Variants in LTBP3 observed in about 807,000 individuals in gnomAD.
The protein encoded by LTBP3 is latent-transforming growth factor beta-binding protein 3.
Under a neutral mutation model 159.7 loss-of-function variants are expected in LTBP3, and 97 were observed. That is an observed-to-expected ratio of 0.61 (90% CI 0.52 to 0.72). LTBP3 has a LOEUF of 0.72. Among genes scored for constraint, LTBP3 ranks in the 30% least tolerant of loss-of-function variants. LTBP3 has a pLI of 0.00. For synonymous variants in LTBP3, 824 were observed against 777.1 expected, an observed-to-expected ratio of 1.06 and a Z score of -1.00; for missense variants, 1,584 against 1,864.3, an observed-to-expected ratio of 0.85 and a Z score of 2.77.
chr11:65,551,045 T>C, intron 11 of LTBP3, 81 bp downstream of exon 11: 1 of 1,156,152 alleles, frequency 8.6e-7, no homozygotes, highest in Non-Finnish European at 1.3e-6. Flanking sequence ...CGCTAGGGAA[T>C]GCCTGGGGGC....
chr11:65,540,737 G>GAGGGGCGGGGCCTACAGT, intron 21 of LTBP3, 123 bp from the exon 22 acceptor site: 6 of 1,514,434 alleles, frequency 4.0e-6, no homozygotes, highest in Middle Eastern at 1.8e-4. Context: ...GGGCCTACAG[G>GAGGGGCGGGGCCTACAGT]GCGGGGCCTG....
Position 65,546,715 on chromosome 11 carries a change from C to T in LTBP3, c.2230+83G>A. ...CGCCCCCAGACGCCAATCACCACCG[C>T]TACCCCGCCCCGCCCCCAGCGGAGC... is the stretch of plus-strand genomic sequence containing the variant. On this transcript the variant is annotated intron_variant, in intron 15 of 27. Transcript: ENST00000301873. The surrounding 1 kb of genome is among the most constrained non-coding windows in gnomAD (Gnocchi z 4.0). The T allele has an allele frequency of 6.5e-7, 1 of 1,532,532 alleles. No individual in the cohort carries two copies. Among genetic ancestry groups the T allele is most frequent in the Non-Finnish European group, 8.8e-7 (1 of 1,141,084 alleles). 94.9% of individuals were successfully genotyped at this position (1,532,532 alleles called of 1,614,324 possible).
Position 65,546,873 on chromosome 11 carries a change from C to A in LTBP3, c.2155G>T (p.Glu719Ter). The A allele has an allele frequency of 1.2e-6, 2 of 1,612,580 alleles. No individual in the cohort carries two copies. The highest frequency in any genetic ancestry group is 1.7e-6 in the Non-Finnish European group (2 of 1,179,976). Residue 719 changes from glutamate to a stop codon, truncating the protein, a stop_gained, in exon 15 of 28, where the codon GAG becomes TAG. Transcript: ENST00000301873. LOFTEE classifies it high-confidence loss of function. This position sits in a 1 kb window ranked among gnomAD's most constrained non-coding sequence, Gnocchi z 4.0. ...CACTTGAAGCTCCCGGGCTTGTTCT[C>A]GCATTTGCCATCCGGGCAAGAGCTT... ...DPSSCPDGKCENKPGSFKCIA... is the reference protein window; with the variant it reads ...DPSSCPDGKC
chr11:65,541,350 C>T (rs1248049389), intron 19 of LTBP3, 57 bp from the exon 20 acceptor site: 5 of 1,584,502 alleles, frequency 3.2e-6, no homozygotes, highest in Non-Finnish European at 4.3e-6. Flanking sequence ...CCCTGTCCAC[C>T]CTGCCCACCC....
In LTBP3 at chr11:65,546,808, C is replaced by T. The variant is rs777035245; in HGVS notation, c.2220G>A (p.Gly740=). 2 of 1,605,130 alleles carry T rather than the reference C, an allele frequency of 1.2e-6. No individual in the cohort carries two copies. Among genetic ancestry groups the T allele is most frequent in the African/African-American group, 1.3e-5 (1 of 75,034 alleles). ...GGGCCCCGCCCTCACCGCGACAGGC[C>T]CCGCCCCCCTGGCTGCGGTAGCCAG... is the stretch of plus-strand genomic sequence containing the variant. ...CQPGYRSQGG[G]ACRDVNECAE... is the part of the protein sequence containing the mutation. Residue 740 remains glycine (G), a synonymous_variant, in exon 15 of 28, where the codon GGG becomes GGA. Coordinates refer to ENST00000301873, the MANE Select transcript of LTBP3 (RefSeq NM_001130144.3). The surrounding 1 kb of genome is among the most constrained non-coding windows in gnomAD (Gnocchi z 4.0).
Position 65,553,946 on chromosome 11 carries a change from C to CGCGGGTCACCGCGCT in LTBP3, c.662-58_662-44dup. 6.6e-7 allele frequency: 1 copy of CGCGGGTCACCGCGCT among 1,521,814 alleles called. No individual in the cohort carries two copies. The highest frequency in any genetic ancestry group is 1.4e-5 in the African/African-American group (1 of 73,328). 94.3% of individuals were successfully genotyped at this position (1,521,814 alleles called of 1,614,324 possible). A position where few individuals can be genotyped will look rare whatever the true frequency, so the allele number is the denominator to read the frequency against. Reference sequence around the variant, plus strand: ...GGCCTCAGGGCTGCCCGCACCGCGCCGCGGGTCACCGCGCTGAGCTCCTCC... The same window carrying CGCGGGTCACCGCGCT: ...GGCCTCAGGGCTGCCCGCACCGCGCCGCGGGTCACCGCGCTGCGGGTCACCGCGCTGAGCTCCTCC... On this transcript the variant is annotated intron_variant, in intron 2 of 27. Coordinates refer to ENST00000301873, the MANE Select transcript of LTBP3 (RefSeq NM_001130144.3). The surrounding 1 kb of genome is among the most constrained non-coding windows in gnomAD (Gnocchi z 6.5).
rs1856885665 is a variant in LTBP3 at position 65,558,314 on chromosome 11, G to A, written c.-355C>T. On this transcript the variant is annotated 5_prime_UTR_variant, in exon 1 of 28. Coordinates refer to ENST00000301873, the MANE Select transcript of LTBP3 (RefSeq NM_001130144.3). ...CCCCCTGGCCGGGCTCCTCTCCCGC[G>A]GCCGCGGGGAGGCAGGGAGCGCGCG... The A allele has an allele frequency of 1.7e-6, 1 of 599,518 alleles. No individual in the cohort carries two copies. Among genetic ancestry groups the A allele is most frequent in the Non-Finnish European group, 2.2e-6 (1 of 461,286 alleles). The allele number at this position is 599,518 out of a possible 1,614,324, so 37.1% of individuals were successfully genotyped here. A position where few individuals can be genotyped will look rare whatever the true frequency, so the allele number is the denominator to read the frequency against.
chr11:65,550,134 G>A (rs541232401), intron 11 of LTBP3, among the ~76,000 whole-genome samples: 1 of 152,238 alleles, frequency 6.6e-6, no homozygotes, highest in South Asian at 2.1e-4. Flanking sequence ...TCAGGGCCAG[G>A]CGTGGTGGCT....
At chr11:65,548,337 C>T (rs1856470216) in intron 11 of LTBP3, 1 of 597,058 alleles carries the variant, frequency 1.7e-6, no homozygotes, top group African/African-American at 1.9e-5. Context: ...CAAACCAAAC[C>T]ACATCCCCTC....
At chr11:65,544,148 C>T (rs1248840031) in intron 16 of LTBP3, 2 of 168,030 alleles carry the variant, frequency 1.2e-5, no homozygotes, top group Non-Finnish European at 2.6e-5. Context: ...CCTCTGACCT[C>T]ACATTCCTGG....
In LTBP3 at chr11:65,552,916, T is replaced by C. The variant is rs1856663331; in HGVS notation, c.1130A>G (p.Tyr377Cys). Reference sequence around the variant, plus strand: ...ATGGCCAGGTGGGCAGACACAGCGATAGGAGCCAGGGTTGTTGAGGCAGTC... The same window carrying C: ...ATGGCCAGGTGGGCAGACACAGCGACAGGAGCCAGGGTTGTTGAGGCAGTC... ...HGDCLNNPGS[Y>C]RCVCPPGHSL... Residue 377 changes from tyrosine to cysteine, a missense_variant, in exon 6 of 28, where the codon TAT becomes TGT. Around this residue, in one of 6 missense-constraint regions of LTBP3, gnomAD observed 156 missense variants for 259.7 expected, o/e 0.60. Coordinates refer to ENST00000301873, the MANE Select transcript of LTBP3 (RefSeq NM_001130144.3). The surrounding 1 kb of genome is among the most constrained non-coding windows in gnomAD (Gnocchi z 6.0). 1 of 1,614,150 alleles carries C rather than the reference T, an allele frequency of 6.2e-7. No individual in the cohort carries two copies. The highest frequency in any genetic ancestry group is 8.5e-7 in the Non-Finnish European group (1 of 1,180,012).
At chr11:65,543,694 G>T in intron 16 of LTBP3, 145 bp from the exon 17 acceptor site, 1 of 1,067,300 alleles carries the variant, frequency 9.4e-7, no homozygotes, top group Non-Finnish European at 1.4e-6. Flanking sequence ...CTTCTGGGTG[G>T]CACACAGTGC....
chr11:65,552,902 G>A lies in LTBP3; in HGVS notation c.1144C>T (p.Pro382Ser), dbSNP rs1856662844. Residue 382 changes from proline to serine, a missense_variant, in exon 6 of 28, where the codon CCA becomes TCA. Transcript: ENST00000301873. The surrounding 1 kb of genome is among the most constrained non-coding windows in gnomAD (Gnocchi z 6.0). ...GAGGGGCCTAAACTATGGCCAGGTG[G>A]GCAGACACAGCGATAGGAGCCAGGG... ...NNPGSYRCVC[P>S]PGHSLGPSRT... 1 of 1,614,056 alleles carries A rather than the reference G, an allele frequency of 6.2e-7. No homozygotes were observed. The highest frequency in any genetic ancestry group is 1.7e-5 in the Admixed American group (1 of 60,002).
chr11:65,541,573 C>T, intron 19 of LTBP3, 27 bp downstream of exon 19: 4 of 1,613,978 alleles, frequency 2.5e-6, no homozygotes, highest in Non-Finnish European at 3.4e-6. Context: ...TTGTCCAGTC[C>T]GAGGGAGGAG....
At position 65,546,132 on chromosome 11, in the gene LTBP3, CTT is replaced by C. The variant is rs977992706; in HGVS notation, c.2353+308_2353+309del. 33 of 409,540 alleles carry C rather than the reference CTT, an allele frequency of 8.1e-5. No individual in the cohort carries two copies. The highest frequency in any genetic ancestry group is 6.6e-4 in the African/African-American group (31 of 46,710). 25.4% of individuals were successfully genotyped at this position (409,540 alleles called of 1,614,324 possible). On this transcript the variant is annotated intron_variant, in intron 16 of 27. Transcript: ENST00000301873. The surrounding 1 kb of genome is among the most constrained non-coding windows in gnomAD (Gnocchi z 4.0). ...TGAGTCCCAGCCCCCAGCCCCGCCT[CTT>C]GGCGTATAATAAACAGGAGTGCAGG...
chr11:65,542,825 CTG>C (rs749867678), intron 18 of LTBP3: 125 of 449,112 alleles, frequency 2.8e-4, no homozygotes, highest in Non-Finnish European at 3.9e-4. Context: ...ATAGCACTAA[CTG>C]TCATGTTTAC....
At position 65,553,377 on chromosome 11, in the gene LTBP3, G is replaced by A. The variant is rs1856682837; in HGVS notation, c.970+48C>T. Reference sequence around the variant, plus strand: ...CACTGCAGGGATGGGTGGGGTGGGTGGGGAGGGGCCACCAGATAGGGAACG... The same window carrying A: ...CACTGCAGGGATGGGTGGGGTGGGTAGGGAGGGGCCACCAGATAGGGAACG... On this transcript the variant is annotated intron_variant, in intron 4 of 27. Transcript: ENST00000301873. This position sits in a 1 kb window ranked among gnomAD's most constrained non-coding sequence, Gnocchi z 6.5. 1.4e-6 allele frequency: 2 copies of A among 1,415,800 alleles called. No homozygotes were observed. Among genetic ancestry groups the A allele is most frequent in the Non-Finnish European group, 2.0e-6 (2 of 1,008,154 alleles). The allele number at this position is 1,415,800 out of a possible 1,614,324, so 87.7% of individuals were successfully genotyped here.
chr11:65,543,337 A>C, intron 17 of LTBP3, 90 bp downstream of exon 17: 1 of 1,611,738 alleles, frequency 6.2e-7, no homozygotes. Context: ...CTATGCCCCA[A>C]CTGAGATCTG....
chr11:65,554,352 G>T lies in LTBP3; in HGVS notation c.360C>A (p.Gly120=). The T allele has an allele frequency of 6.2e-7, 1 of 1,612,136 alleles. No homozygotes were observed. The highest frequency in any genetic ancestry group is 1.7e-4 in the Middle Eastern group (1 of 6,054). The change falls in exon 2 of 28, where the codon GGC becomes GGA. Residue 120 remains glycine (G), a synonymous_variant. Coordinates refer to ENST00000301873, the MANE Select transcript of LTBP3 (RefSeq NM_001130144.3). The surrounding 1 kb of genome is among the most constrained non-coding windows in gnomAD (Gnocchi z 5.3). The stretch of plus-strand genomic sequence containing the variant: ...ACTGGTTTCGCGAGGAGCACTGGCC[G>T]CCATTCATGCAGGGGAGAGGGCACA... The part of the protein sequence containing the change: ...VVVCPLPCMN[G]GQCSSRNQCL...
Sources: allele counts gnomAD v4.1 joint callset (sites outside exome capture counted in the v4.1 genomes callset), GRCh38; gene constraint gnomAD v4.1.1; regional missense constraint gnomAD v4.1.1; non-coding constraint Gnocchi (gnomAD v3.1); transcripts MANE v1.5; gene names NCBI Gene and HGNC (gene_info 2026-07-23, HGNC 2026-07-21).